The following TOP2B variants were observed in gnomAD, a reference collection of about 807,000 sequenced individuals.
The protein encoded by TOP2B is DNA topoisomerase II beta.
TOP2B carries 51 observed loss-of-function variants against 193.5 expected under a neutral mutation model. That is an observed-to-expected ratio of 0.26 (90% CI 0.21 to 0.33). TOP2B has a LOEUF of 0.33. TOP2B is among the 10% of genes least tolerant of loss of function. TOP2B has a pLI of 1.00. For synonymous variants in TOP2B, 634 were observed against 635.7 expected (o/e 1.00, Z 0.04); for missense variants, 1,378 against 1,909.3 (o/e 0.72, Z 5.19).
chr3:25,613,186 A>G (rs1001647), intron 27 of TOP2B, among the ~76,000 whole-genome samples: 45,919 of 152,128 alleles, frequency 0.3, 10,062 homozygotes, highest in African/African-American at 0.62. Context: ...TGCCAATATA[A>G]TTAGATTGAA....
intron 27 of TOP2B, 63 bp from the exon 28 acceptor site, chr3:25,612,772 T>A (rs1320361295): frequency 1.6e-6 from 2 of 1,251,846 alleles, no homozygotes; most frequent in Non-Finnish European, 2.3e-6. Flanking sequence ...AATCACTACT[T>A]CATAAAATAC....
intron 18 of TOP2B, 33 bp downstream of exon 18, chr3:25,626,527 C>T (rs1227485141): frequency 1.2e-5 from 14 of 1,177,612 alleles, no homozygotes; most frequent in Non-Finnish European, 5.9e-6. Context: ...TAGTAAATAA[C>T]ATTAAAAAAT....
At chr3:25,623,879 A>C in intron 20 of TOP2B, 133 bp from the exon 21 acceptor site, 1 of 649,472 alleles carries the variant, frequency 1.5e-6, no homozygotes. Flanking sequence ...TTTTGATTAC[A>C]TCCGCTTAAT....
At chr3:25,634,795 AAACC>A (rs1559502606) in intron 7 of TOP2B, among the ~76,000 whole-genome samples, 5 of 146,652 alleles carry the variant, frequency 3.4e-5, no homozygotes, top group Admixed American at 6.8e-5. Context: ...AAAAAAAAAA[AAACC>A]AAAAAAAGGC....
chr3:25,609,301 A>G lies in TOP2B; in HGVS notation c.3975T>C (p.Ser1325=). Residue 1325 remains serine (S), a synonymous_variant, in exon 30 of 36, where the codon AGT becomes AGC. Coordinates refer to ENST00000264331, the MANE Select transcript of TOP2B (RefSeq NM_001330700.2). ...RKTPTSSGKP[S]AKKVKKRNPW... ...GATTCCGTTTCTTCACTTTCTTTGC[A>G]CTAGGTTTACCAGATGATGTAGGTG... The G allele has an allele frequency of 1.3e-6, 2 of 1,599,076 alleles. No individual in the cohort carries two copies. The highest frequency in any genetic ancestry group is 8.5e-7 in the Non-Finnish European group (1 of 1,171,300).
chr3:25,628,069 T>TA (rs11444500), intron 15 of TOP2B, among the ~76,000 whole-genome samples: 38,451 of 130,858 alleles, frequency 0.29, 5,039 homozygotes, highest in East Asian at 0.35. Flanking sequence ...TAAAAACAAT[T>TA]AAAAAAAAAC....
intron 1 of TOP2B, among the ~76,000 whole-genome samples, chr3:25,653,648 T>C (rs1323990165): frequency 2.6e-5 from 4 of 152,136 alleles, no homozygotes; most frequent in Non-Finnish European, 5.9e-5. Context: ...CAGGATGGTC[T>C]TAAACTCCTG....
intron 2 of TOP2B, among the ~76,000 whole-genome samples, chr3:25,644,715 G>C (rs751330070): frequency 4.0e-4 from 60 of 151,460 alleles, no homozygotes; most frequent in Non-Finnish European, 6.6e-4. Context: ...GGCATCAGGG[G>C]GTGATGGGAG....
In TOP2B at chr3:25,649,098, A is replaced by C. The variant is rs537223889; in HGVS notation, c.70-3628T>G. 4.6e-5 allele frequency among the ~76,000 whole-genome samples: 7 copies of C among 152,360 alleles called. No homozygotes were observed. The East Asian group carries it at 1.3e-3, about 29-fold the overall frequency. ...ACTGAAGCATACAGTAAATGAATTG[A>C]AAATACACTAGAGGGATGTAACAGT... On this transcript the variant is annotated intron_variant, in intron 1 of 35. Transcript: ENST00000264331.
intron 23 of TOP2B, 124 bp downstream of exon 23, chr3:25,619,738 G>GGAA: frequency 1.9e-6 from 1 of 523,866 alleles, no homozygotes; most frequent in Non-Finnish European, 3.2e-6. Context: ...TGCAGGATGG[G>GGAA]AAAAAAAAAA....
At chr3:25,609,853 T>G in intron 28 of TOP2B, 141 bp from the exon 29 acceptor site, 1 of 715,454 alleles carries the variant, frequency 1.4e-6, no homozygotes, top group Non-Finnish European at 2.1e-6. Flanking sequence ...ACAGCTGACT[T>G]TGATCAGACC....
chr3:25,636,257 A>C, intron 6 of TOP2B, 109 bp from the exon 7 acceptor site: 2 of 707,080 alleles, frequency 2.8e-6, no homozygotes, highest in South Asian at 4.7e-5. Context: ...CAATTTTACA[A>C]CTTCACAACA....
chr3:25,607,470 C>A, intron 30 of TOP2B, 95 bp from the exon 31 acceptor site: 2 of 1,376,072 alleles, frequency 1.5e-6, no homozygotes, highest in Non-Finnish European at 1.9e-6. Context: ...TATATTCCAA[C>A]CATCTCTAAA....
Position 25,606,045 on chromosome 3 carries a change from T to A in TOP2B, c.4376A>T (p.Asp1459Val), listed in dbSNP as rs772022318. The change falls in exon 32 of 36, where the codon GAT becomes GTT. Residue 1459 changes from aspartate (D) to valine (V), a missense_variant and splice_region_variant. This residue lies in a region of TOP2B where 556 missense variants were observed against 584.2 expected (regional missense o/e 0.95). Transcript: ENST00000264331. ...SFPSYSQKSE[D>V]DSAKFDSNEE... ...ATGAAAAGACTAAATGAACATACCA[T>A]CTTCTGACTTCTGAGAATATGAAGG... 6.8e-7 allele frequency: 1 copy of A among 1,473,816 alleles called. No homozygotes were observed. The highest frequency in any genetic ancestry group is 1.4e-5 in the South Asian group (1 of 72,264). 91.3% of individuals were successfully genotyped at this position (1,473,816 alleles called of 1,614,324 possible). A position where few individuals can be genotyped will look rare whatever the true frequency, so the allele number is the denominator to read the frequency against.
At chr3:25,660,146 A>G (rs1362479968) in intron 1 of TOP2B, among the ~76,000 whole-genome samples, 1 of 152,206 alleles carries the variant, frequency 6.6e-6, no homozygotes, top group African/African-American at 2.4e-5. Flanking sequence ...GTGCCTAAAT[A>G]CTGCTATATC....
intron 25 of TOP2B, among the ~76,000 whole-genome samples, chr3:25,617,892 T>C (rs1191736546): frequency 1.3e-5 from 2 of 152,228 alleles, no homozygotes; most frequent in Non-Finnish European, 2.9e-5. Context: ...AATCTGAAGT[T>C]CCAGGGTTTA....
chr3:25,613,867 C>T (rs1305029660), intron 27 of TOP2B, among the ~76,000 whole-genome samples: 4 of 151,966 alleles, frequency 2.6e-5, no homozygotes, highest in African/African-American at 9.7e-5. Context: ...TGATATAATT[C>T]CTAAGAAAGT....
chr3:25,613,803 C>T (rs1702439506), intron 27 of TOP2B, among the ~76,000 whole-genome samples: 1 of 151,790 alleles, frequency 6.6e-6, no homozygotes, highest in African/African-American at 2.4e-5. Flanking sequence ...ATCCTGTGAT[C>T]CCCATTTTAT....
Position 25,612,461 on chromosome 3 carries a change from T to C in TOP2B, c.3786+54A>G, listed in dbSNP as rs1407843777. On this transcript the variant is annotated intron_variant, in intron 28 of 35. Transcript: ENST00000264331. ...ACACGCATTAAAATTTTTTAAATTA[T>C]ACATATATTTCATTATAGAAATGAG... is the stretch of plus-strand genomic sequence containing the variant. 11 of 1,373,604 alleles carry C rather than the reference T, an allele frequency of 8.0e-6. No individual in the cohort carries two copies. The African/African-American group carries it at 8.7e-5, about 11-fold the overall frequency. The allele number at this position is 1,373,604 out of a possible 1,614,324, so 85.1% of individuals were successfully genotyped here.
Sources: gnomAD v4.1 joint callset for allele counts (sites outside exome capture counted in the v4.1 genomes callset) on GRCh38, gnomAD v4.1.1 for gene constraint, gnomAD v4.1.1 regional missense constraint, MANE v1.5 for transcripts, NCBI Gene and HGNC (gene_info 2026-07-23, HGNC 2026-07-21) for gene names.